VGLL4: variants seen among roughly 807,000 people sequenced by gnomAD.
VGLL4 encodes the protein vestigial like family member 4.
Under a neutral mutation model 21.0 loss-of-function variants are expected in VGLL4, and 7 were observed. That is an observed-to-expected ratio of 0.33 (90% CI 0.19 to 0.63). The LOEUF (loss-of-function observed/expected upper bound fraction) is 0.63. Among genes scored for constraint, VGLL4 ranks in the 20% least tolerant of loss-of-function variants. The pLI is 0.78. For synonymous variants in VGLL4, 222 were observed against 173.2 expected (o/e 1.28, Z -2.21); for missense variants, 394 against 425.7 (o/e 0.93, Z 0.66).
At chr3:11,698,941 G>A (rs867018889) in intron 2 of VGLL4, among the ~76,000 whole-genome samples, 1 of 152,186 alleles carries the variant, frequency 6.6e-6, no homozygotes, top group Non-Finnish European at 1.5e-5. Context: ...TTCTCCAGGA[G>A]CAAAGGAAAA....
chr3:11,687,868 T>C (rs1458785541), intron 2 of VGLL4, among the ~76,000 whole-genome samples: 1 of 152,190 alleles, frequency 6.6e-6, no homozygotes, highest in Non-Finnish European at 1.5e-5. Flanking sequence ...TCAATGCTAC[T>C]TGAGTTGTGT....
intron 2 of VGLL4, among the ~76,000 whole-genome samples, chr3:11,662,598 A>G (rs1359899941): frequency 6.6e-6 from 1 of 152,236 alleles, no homozygotes; most frequent in East Asian, 1.9e-4. Context: ...GGGACTGAGA[A>G]AGCTGAATGC....
At chr3:11,709,495 G>A (rs960299189) in intron 1 of VGLL4, among the ~76,000 whole-genome samples, 1 of 149,654 alleles carries the variant, frequency 6.7e-6, no homozygotes, top group Non-Finnish European at 1.5e-5. Flanking sequence ...CCACTGCACT[G>A]CAAACCAGTT....
intron 1 of VGLL4, among the ~76,000 whole-genome samples, chr3:11,603,383 C>T (rs2074852895): frequency 6.6e-6 from 1 of 152,162 alleles, no homozygotes; most frequent in South Asian, 2.1e-4. Context: ...CTCACGCTGG[C>T]CTGCCACACT....
At chr3:11,566,216 A>ACACACACGCACAC (rs1446144053) in intron 2 of VGLL4, among the ~76,000 whole-genome samples, 12 of 151,950 alleles carry the variant, frequency 7.9e-5, no homozygotes, top group Non-Finnish European at 1.5e-4. Flanking sequence ...ACTGAATGTT[A>ACACACACGCACAC]CACACACGCA....
chr3:11,672,436 A>T (rs186632588), intron 2 of VGLL4, among the ~76,000 whole-genome samples: 10 of 152,140 alleles, frequency 6.6e-5, no homozygotes. Flanking sequence ...GTTTAAAAAT[A>T]TCTTAATTCT....
chr3:11,602,725 A>T (rs1052665425), intron 1 of VGLL4, among the ~76,000 whole-genome samples: 3 of 152,158 alleles, frequency 2.0e-5, no homozygotes, highest in South Asian at 2.1e-4. Flanking sequence ...TAGGGTCCAC[A>T]TTTCCATTTG....
At chr3:11,658,917 A>G (rs1193315367) in intron 2 of VGLL4, among the ~76,000 whole-genome samples, 4 of 152,224 alleles carry the variant, frequency 2.6e-5, no homozygotes, top group Non-Finnish European at 4.4e-5. Flanking sequence ...TGCTGAGCCC[A>G]GAAGCAGAAA....
intron 2 of VGLL4, among the ~76,000 whole-genome samples, chr3:11,591,626 T>G (rs2074499299): frequency 1.3e-5 from 2 of 152,208 alleles, no homozygotes; most frequent in South Asian, 4.1e-4. Flanking sequence ...AGAAAATGCC[T>G]CTAGCCTGAC....
intron 2 of VGLL4, among the ~76,000 whole-genome samples, chr3:11,681,601 C>T (rs574715152): frequency 2.6e-5 from 4 of 152,164 alleles, no homozygotes; most frequent in Non-Finnish European, 5.9e-5. Context: ...GAAGAAAAAA[C>T]ATGAACTATT....
chr3:11,684,008 C>T (rs1166861516), intron 2 of VGLL4, among the ~76,000 whole-genome samples: 1 of 152,038 alleles, frequency 6.6e-6, no homozygotes, highest in Non-Finnish European at 1.5e-5. Flanking sequence ...GTTAGGAGTT[C>T]GAGGCCAGCC....
At chr3:11,623,327 T>C (rs568389447) in intron 1 of VGLL4, among the ~76,000 whole-genome samples, 58 of 152,198 alleles carry the variant, frequency 3.8e-4, no homozygotes, top group Non-Finnish European at 1.3e-4. Context: ...TTGGTATATA[T>C]ACTCAGGGGA....
intron 1 of VGLL4, among the ~76,000 whole-genome samples, chr3:11,718,302 AC>A (rs1408817005): frequency 6.6e-6 from 1 of 152,262 alleles, no homozygotes; most frequent in Non-Finnish European, 1.5e-5. Context: ...TGAGTGTAAG[AC>A]AAGAAACTTC....
At chr3:11,688,660 A>G (rs191561448) in intron 2 of VGLL4, among the ~76,000 whole-genome samples, 29 of 152,262 alleles carry the variant, frequency 1.9e-4, no homozygotes, top group Admixed American at 1.2e-3. Flanking sequence ...CTATTTTAGA[A>G]AACAGTTTTT....
Position 11,568,814 on chromosome 3 carries a change from C to T in VGLL4, c.273-3795G>A, listed in dbSNP as rs568916489. 3.5e-6 allele frequency: 5 copies of T among 1,428,740 alleles called. No homozygotes were observed. Among genetic ancestry groups the T allele is most frequent in the Middle Eastern group, 2.6e-4 (1 of 3,818 alleles). 88.5% of individuals were successfully genotyped at this position (1,428,740 alleles called of 1,614,324 possible). The stretch of plus-strand genomic sequence containing the variant: ...TGCCCGAGAGAGCCCACGGCATCCC[C>T]GCGAACACCCAAAGGACTCTGAGTG... On this transcript the variant is annotated intron_variant, in intron 2 of 4. Coordinates refer to ENST00000430365, the MANE Select transcript of VGLL4 (RefSeq NM_001128219.3). The surrounding 1 kb of genome is among the most constrained non-coding windows in gnomAD (Gnocchi z 5.9).
Position 11,556,189 on chromosome 3 carries a change from A to G in VGLL4, c.*2367T>C, listed in dbSNP as rs1431364837. The G allele has an allele frequency of 6.6e-6, 1 of 152,620 alleles. No homozygotes were observed. Among genetic ancestry groups the G allele is most frequent in the African/African-American group, 2.4e-5 (1 of 41,400 alleles). 9.5% of individuals were successfully genotyped at this position (152,620 alleles called of 1,614,324 possible). Reference sequence around the variant, plus strand: ...CAGGCCACAGAGAATGGTATATTACAGATTTACACACATGAAGAGAAGGTC... The same window carrying G: ...CAGGCCACAGAGAATGGTATATTACGGATTTACACACATGAAGAGAAGGTC... On this transcript the variant is annotated 3_prime_UTR_variant, in exon 5 of 5. Transcript: ENST00000430365.
At chr3:11,575,008 A>G (rs1363412967) in intron 2 of VGLL4, among the ~76,000 whole-genome samples, 1 of 152,160 alleles carries the variant, frequency 6.6e-6, no homozygotes, top group Non-Finnish European at 1.5e-5. Context: ...ATAAAGCCGC[A>G]GATCTTTTCA....
chr3:11,693,901 T>G lies in VGLL4; in HGVS notation c.64+9070A>C, dbSNP rs542928417. ...GTATAGAGGAGTTTTATTTTGTTTT[T>G]GTTTTTTTAATCAGCAGAAAAGTCT... On this transcript the variant is annotated intron_variant, in intron 2 of 5. Transcript: ENST00000273038. Among the ~76,000 whole-genome samples the G allele has an allele frequency of 9.7e-4, 147 of 152,324 alleles. No homozygotes were observed. In the Middle Eastern group the frequency reaches 0.017, roughly 18 times the overall value.
intron 2 of VGLL4, among the ~76,000 whole-genome samples, chr3:11,677,606 C>T (rs573401875): frequency 1.3e-5 from 2 of 152,034 alleles, no homozygotes; most frequent in Admixed American, 6.5e-5. Context: ...TGCTATAGCG[C>T]GTATGAACAA....
Sources: gnomAD v4.1 joint callset for allele counts (sites outside exome capture counted in the v4.1 genomes callset) on GRCh38, gnomAD v4.1.1 for gene constraint, Gnocchi (gnomAD v3.1) non-coding constraint, MANE v1.5 for transcripts, NCBI Gene and HGNC (gene_info 2026-07-23, HGNC 2026-07-21) for gene names.